GALNT2: variants seen among roughly 807,000 people sequenced by gnomAD.
GALNT2 encodes the protein polypeptide N-acetylgalactosaminyltransferase 2, also known as UDP-GalNAc:polypeptide N-acetylgalactosaminyltransferase 2.
A neutral mutation model predicts 81.4 loss-of-function variants in GALNT2; 31 were observed. That is an observed-to-expected ratio of 0.38 (90% CI 0.29 to 0.51). The LOEUF (loss-of-function observed/expected upper bound fraction) is 0.51, where lower values mean the gene tolerates loss of function less well. Ranked by LOEUF, GALNT2 falls within the 20% of genes least tolerant of loss-of-function variation. GALNT2 has a pLI of 0.87. For missense variants in GALNT2, 629 were observed against 765.7 expected (o/e 0.82, Z 2.11); for synonymous variants, 303 against 287.4 (o/e 1.05, Z -0.55).
At chr1:230,067,224 C>T, upstream of GALNT2, 12 of 1,134,862 alleles carry the variant, frequency 1.1e-5, no homozygotes, top group Non-Finnish European at 1.3e-5. Flanking sequence ...GCGCCCGCGG[C>T]CGGCCCAGGC....
chr1:230,169,852 A>G, intron 1 of GALNT2, among the ~76,000 whole-genome samples: 1 of 152,246 alleles, frequency 6.6e-6, no homozygotes, highest in African/African-American at 2.4e-5. Flanking sequence ...AATCCAAAAT[A>G]GAAATTTGCC....
At chr1:230,150,591 T>A (rs1662062818) in intron 1 of GALNT2, among the ~76,000 whole-genome samples, 1 of 152,250 alleles carries the variant, frequency 6.6e-6, no homozygotes, top group Non-Finnish European at 1.5e-5. Context: ...GAAAGTCTCA[T>A]CTCTTTGGTA....
At chr1:230,154,640 G>A (rs987797901) in intron 1 of GALNT2, among the ~76,000 whole-genome samples, 1 of 152,146 alleles carries the variant, frequency 6.6e-6, no homozygotes, top group Non-Finnish European at 1.5e-5. Flanking sequence ...GGGGGATTCA[G>A]ACAGAGCCAG....
intron 1 of GALNT2, among the ~76,000 whole-genome samples, chr1:230,132,170 C>T (rs1234680620): frequency 6.6e-6 from 1 of 152,156 alleles, no homozygotes; most frequent in African/African-American, 2.4e-5. Context: ...CAATCAGTCT[C>T]GTAATGACGG....
At chr1:230,206,434 AC>A (rs2102709604) in intron 3 of GALNT2, among the ~76,000 whole-genome samples, 1 of 152,262 alleles carries the variant, frequency 6.6e-6, no homozygotes, top group East Asian at 1.9e-4. Context: ...GATGCCTTCC[AC>A]ATTTGTTGGA....
intron 11 of GALNT2, chr1:230,259,055 C>T (rs1665800374): frequency 6.6e-6 from 1 of 152,208 alleles, no homozygotes; most frequent in Non-Finnish European, 1.5e-5. Context: ...TGTTGACCTT[C>T]AGCCAGGTTG....
At chr1:230,081,512 C>G (rs1659729219) in intron 1 of GALNT2, among the ~76,000 whole-genome samples, 1 of 152,222 alleles carries the variant, frequency 6.6e-6, no homozygotes, top group Admixed American at 6.5e-5. Flanking sequence ...AACTTTTCTG[C>G]AAGGTTTTAA....
chr1:230,251,311 G>A (rs1037696848), intron 10 of GALNT2, among the ~76,000 whole-genome samples: 4 of 152,164 alleles, frequency 2.6e-5, no homozygotes, highest in Non-Finnish European at 4.4e-5. Context: ...CCTTGGGTGA[G>A]TGTACCCTGG....
intron 1 of GALNT2, among the ~76,000 whole-genome samples, chr1:230,110,143 T>TC (rs1415682266): frequency 6.6e-6 from 1 of 152,188 alleles, no homozygotes; most frequent in Admixed American, 6.5e-5. Context: ...AAAGTGTCCT[T>TC]CCTTAAACTT....
chr1:230,209,985 T>C (rs1327792499), intron 3 of GALNT2, among the ~76,000 whole-genome samples: 1 of 152,230 alleles, frequency 6.6e-6, no homozygotes, highest in Non-Finnish European at 1.5e-5. Context: ...CTTCATTTTC[T>C]CTTAAGCTCT....
chr1:230,098,169 C>T (rs1660304445), intron 1 of GALNT2, among the ~76,000 whole-genome samples: 1 of 152,034 alleles, frequency 6.6e-6, no homozygotes, highest in Non-Finnish European at 1.5e-5. Context: ...GGTTTGAAGA[C>T]ATACTTAAAT....
At chr1:230,229,311 C>A (rs1442245846) in intron 3 of GALNT2, among the ~76,000 whole-genome samples, 1 of 152,184 alleles carries the variant, frequency 6.6e-6, no homozygotes, top group African/African-American at 2.4e-5. Context: ...CAGAAACCAT[C>A]CAGTCAGCTC....
At chr1:230,083,174 GCAGGATGATGGAGCAGGGAGC>G (rs1438046317) in intron 1 of GALNT2, among the ~76,000 whole-genome samples, 3 of 146,020 alleles carry the variant, frequency 2.1e-5, no homozygotes, top group Non-Finnish European at 3.0e-5. Context: ...AGAGTGGGGA[GCAGGATGATGGAGCAGGGAGC>G]CAGGATGATG....
At chr1:230,255,075 T>C in intron 10 of GALNT2, 143 bp from the exon 11 acceptor site, 2 of 1,167,516 alleles carry the variant, frequency 1.7e-6, no homozygotes, top group Non-Finnish European at 2.5e-6. Flanking sequence ...GGAAGGTCCT[T>C]ATCAGATCTC....
chr1:230,118,741 G>A (rs1463527968), intron 1 of GALNT2, among the ~76,000 whole-genome samples: 4 of 96,356 alleles, frequency 4.2e-5, no homozygotes, highest in African/African-American at 8.1e-5. Flanking sequence ...AGCATCGTCC[G>A]GCCTTCATGC....
intron 1 of GALNT2, among the ~76,000 whole-genome samples, chr1:230,132,828 C>A (rs1661409313): frequency 6.6e-6 from 1 of 152,166 alleles, no homozygotes; most frequent in South Asian, 2.1e-4. Context: ...GTTCCTTTTG[C>A]CCTGGAATTG....
At chr1:230,141,053 A>G (rs1661715236) in intron 1 of GALNT2, among the ~76,000 whole-genome samples, 1 of 152,252 alleles carries the variant, frequency 6.6e-6, no homozygotes, top group South Asian at 2.1e-4. Context: ...ACAAGAATGC[A>G]TAGATCTGTA....
At chr1:230,252,694 A>T (rs1219701569) in intron 10 of GALNT2, among the ~76,000 whole-genome samples, 2 of 152,154 alleles carry the variant, frequency 1.3e-5, no homozygotes, top group South Asian at 2.1e-4. Flanking sequence ...TTAGCCTTGA[A>T]AATCTCCCAC....
chr1:230,201,958 A>G (rs1226171509), intron 2 of GALNT2, among the ~76,000 whole-genome samples: 3 of 152,088 alleles, frequency 2.0e-5, no homozygotes, highest in African/African-American at 7.2e-5. Flanking sequence ...GGCAGTTCCA[A>G]CCACTGGAAA....
Sources: gnomAD v4.1 joint callset for allele counts (sites outside exome capture counted in the v4.1 genomes callset) on GRCh38, gnomAD v4.1.1 for gene constraint, MANE v1.5 for transcripts, NCBI Gene and HGNC (gene_info 2026-07-23, HGNC 2026-07-21) for gene names.